TESK2: variants seen among roughly 807,000 people sequenced by gnomAD.
The protein encoded by TESK2 is testis associated actin remodelling kinase 2.
Under a neutral mutation model 57.1 loss-of-function variants are expected in TESK2, and 39 were observed. The observed-to-expected ratio is 0.68, with a 90% CI of 0.53 to 0.89. TESK2 has a LOEUF of 0.89. Among genes scored for constraint, TESK2 ranks in the 40% least tolerant of loss-of-function variants. The pLI is 0.00. For missense variants in TESK2, 646 were observed against 732.1 expected (o/e 0.88, Z 1.36); for synonymous variants, 249 against 267.9 (o/e 0.93, Z 0.69).
chr1:45,428,103 A>G (rs1650778228), intron 2 of TESK2, among the ~76,000 whole-genome samples: 2 of 152,194 alleles, frequency 1.3e-5, no homozygotes, highest in African/African-American at 4.8e-5. Context: ...AACAGCAATA[A>G]CATAGCTAAC....
At chr1:45,482,450 C>G (rs1055114307) in intron 1 of TESK2, among the ~76,000 whole-genome samples, 9 of 152,082 alleles carry the variant, frequency 5.9e-5, no homozygotes, top group African/African-American at 2.2e-4. Flanking sequence ...ATGGCTTGAG[C>G]CTGGGAGGTC....
intron 2 of TESK2, among the ~76,000 whole-genome samples, chr1:45,436,190 T>TTTTA (rs1651212315): frequency 8.8e-6 from 1 of 113,284 alleles, no homozygotes; most frequent in South Asian, 3.3e-4. Context: ...TCTTTTTTTT[T>TTTTA]TTTTTTTTTT....
intron 1 of TESK2, among the ~76,000 whole-genome samples, chr1:45,485,178 GTTTTGTTTTTTGTT>G (rs974875296): frequency 6.7e-6 from 1 of 149,756 alleles, no homozygotes; most frequent in Non-Finnish European, 1.5e-5. Flanking sequence ...ATTTTTCACT[GTTTTGTTTTTTGTT>G]TTTTGTTTTT....
intron 3 of TESK2, chr1:45,415,443 T>C: frequency 1.5e-6 from 1 of 646,002 alleles, no homozygotes; most frequent in Non-Finnish European, 2.7e-6. Flanking sequence ...CCCATAATCT[T>C]TGTGCTTTCG....
In TESK2 at chr1:45,478,269, G is replaced by A. The variant is rs902943394; in HGVS notation, c.-87+12583C>T. The stretch of plus-strand genomic sequence containing the variant: ...CTCTCAGTAATCATCTCATGTGGGA[G>A]GTGTTCTCTGACCCCTCAATCTCAT... On this transcript the variant is annotated intron_variant, in intron 1 of 10. Transcript: ENST00000372086. 2.0e-5 allele frequency among the ~76,000 whole-genome samples: 3 copies of A among 152,138 alleles called. No individual in the cohort carries two copies. The South Asian group carries it at 6.2e-4, about 32-fold the overall frequency.
intron 3 of TESK2, among the ~76,000 whole-genome samples, chr1:45,421,162 G>A (rs1650461345): frequency 6.6e-6 from 1 of 152,014 alleles, no homozygotes; most frequent in Non-Finnish European, 1.5e-5. Flanking sequence ...GTCTGAGGTG[G>A]GGAAGCTCAA....
At chr1:45,411,371 C>T (rs562796865) in intron 3 of TESK2, among the ~76,000 whole-genome samples, 2 of 152,238 alleles carry the variant, frequency 1.3e-5, no homozygotes, top group South Asian at 4.1e-4. Flanking sequence ...TGAAACTGTT[C>T]CACCTGAGAT....
chr1:45,413,939 C>A, intron 3 of TESK2: 2 of 410,782 alleles, frequency 4.9e-6, no homozygotes, highest in Non-Finnish European at 9.7e-6. Context: ...AAATAGTAAC[C>A]AAAAAATTTA....
chr1:45,373,115 A>T lies in TESK2; in HGVS notation c.393+12797T>A, dbSNP rs139797885. On this transcript the variant is annotated intron_variant, in intron 4 of 10. Transcript: ENST00000372086. Reference sequence around the variant, plus strand: ...AATACTTAATACTAACTGCTGAACTATATATTTAAAAATGGCTAAGATGAT... The same window carrying T: ...AATACTTAATACTAACTGCTGAACTTTATATTTAAAAATGGCTAAGATGAT... 1.6e-3 allele frequency among the ~76,000 whole-genome samples: 239 copies of T among 152,236 alleles called. 1 individual carries two copies. Among genetic ancestry groups the T allele is most frequent in the African/African-American group, 5.6e-3 (232 of 41,570 alleles).
chr1:45,426,901 T>C (rs1650717790), intron 2 of TESK2, among the ~76,000 whole-genome samples: 1 of 152,088 alleles, frequency 6.6e-6, no homozygotes, highest in South Asian at 2.1e-4. Flanking sequence ...CAATGAGATA[T>C]CATCTCACCC....
At chr1:45,382,052 T>G (rs1161616674) in intron 4 of TESK2, among the ~76,000 whole-genome samples, 3 of 151,716 alleles carry the variant, frequency 2.0e-5, no homozygotes, top group Admixed American at 6.6e-5. Context: ...TTTAATTTTT[T>G]GTAGAGTCTG....
chr1:45,415,297 G>A, intron 3 of TESK2: 1 of 1,253,640 alleles, frequency 8.0e-7, no homozygotes, highest in Non-Finnish European at 1.2e-6. Flanking sequence ...GTCTGGGAAT[G>A]GCAAGACCAG....
chr1:45,442,754 CTAAA>C (rs1484786992), intron 2 of TESK2, among the ~76,000 whole-genome samples: 1 of 152,182 alleles, frequency 6.6e-6, no homozygotes, highest in African/African-American at 2.4e-5. Flanking sequence ...CAGTTCTTCC[CTAAA>C]TAAATTTCAC....
chr1:45,477,554 G>A (rs974884299), intron 1 of TESK2, among the ~76,000 whole-genome samples: 7 of 150,282 alleles, frequency 4.7e-5, no homozygotes, highest in Admixed American at 4.6e-4. Flanking sequence ...CCTGGGAGAC[G>A]GTGGTTGCAG....
intron 3 of TESK2, among the ~76,000 whole-genome samples, chr1:45,404,285 C>G (rs914313682): frequency 1.3e-5 from 2 of 152,112 alleles, no homozygotes; most frequent in Non-Finnish European, 2.9e-5. Flanking sequence ...TTTGTGCTCT[C>G]CACAGATAAA....
At chr1:45,403,165 T>C (rs1649698557) in intron 3 of TESK2, among the ~76,000 whole-genome samples, 1 of 148,154 alleles carries the variant, frequency 6.7e-6, no homozygotes, top group South Asian at 2.1e-4. Flanking sequence ...CCTGTGGTCC[T>C]AGCTACTCAG....
intron 2 of TESK2, among the ~76,000 whole-genome samples, chr1:45,441,380 T>C (rs1651437714): frequency 1.3e-5 from 2 of 152,028 alleles, no homozygotes; most frequent in African/African-American, 4.8e-5. Flanking sequence ...ATTCGCCATG[T>C]TGGTCAGACT....
At chr1:45,346,572 G>T in intron 9 of TESK2, 121 bp downstream of exon 9, 2 of 768,276 alleles carry the variant, frequency 2.6e-6, no homozygotes, top group Non-Finnish European at 4.4e-6. Flanking sequence ...TGTGGTTGCT[G>T]TCACTACAGT....
chr1:45,346,868 C>T (rs908121178), intron 8 of TESK2, 89 bp from the exon 9 acceptor site: 4 of 1,526,738 alleles, frequency 2.6e-6, no homozygotes, highest in Non-Finnish European at 3.6e-6. Flanking sequence ...TGGGAGCTGC[C>T]CCTGACAACC....
Sources: allele counts gnomAD v4.1 joint callset (sites outside exome capture counted in the v4.1 genomes callset), GRCh38; gene constraint gnomAD v4.1.1; transcripts MANE v1.5; gene names NCBI Gene and HGNC (gene_info 2026-07-23, HGNC 2026-07-21).